ZNF442: variants seen among roughly 807,000 people sequenced by gnomAD.
The protein encoded by ZNF442 is zinc finger protein 442.
Under a neutral mutation model 57.0 loss-of-function variants are expected in ZNF442, and 45 were observed. The ratio of observed to expected loss-of-function variants is 0.79; its 90% CI spans 0.62 to 1.01. ZNF442 has a LOEUF of 1.01. ZNF442 is among the 50% of genes least tolerant of loss of function. The pLI, the probability that ZNF442 is intolerant of heterozygous loss-of-function variation, is 0.00. For missense variants in ZNF442, 690 were observed against 756.5 expected (o/e 0.91, Z 1.03); for synonymous variants, 213 against 241.8 (o/e 0.88, Z 1.10).
At chr19:12,365,428 A>T in intron 1 of ZNF442, 105 bp downstream of exon 1, 1 of 294,128 alleles carries the variant, frequency 3.4e-6, no homozygotes. Context: ...GGGTCCACAG[A>T]CCCCGCAGTC....
At chr19:12,370,712 C>T (rs1372960483), upstream of ZNF442, among the ~76,000 whole-genome samples, 2 of 152,078 alleles carry the variant, frequency 1.3e-5, no homozygotes, top group Non-Finnish European at 1.5e-5. Context: ...TGGTGGCTCA[C>T]GCCTGTAATC....
rs1025265977 is a variant in ZNF442, at chr19:12,349,930, G to T, written c.1655C>A (p.Ala552Glu). The T allele has an allele frequency of 6.2e-7, 1 of 1,614,062 alleles. No homozygotes were observed. Among genetic ancestry groups the T allele is most frequent in the Non-Finnish European group, 8.5e-7 (1 of 1,180,038 alleles). Residue 552 changes from alanine to glutamate, a missense_variant, in exon 6 of 6, where the codon GCA (alanine) becomes GAA (glutamate). Physicochemically the swap from Ala to Glu is moderately radical, Grantham distance 107 (BLOSUM62 -1). Coordinates refer to ENST00000242804, the MANE Select transcript of ZNF442 (RefSeq NM_030824.3). Reference sequence around the variant, plus strand: ...CAGAAGGCAAGTGAGCCAAGAGAATGCTTTCCTGCATTCCTTACATTCATA... The same window carrying T: ...CAGAAGGCAAGTGAGCCAAGAGAATTCTTTCCTGCATTCCTTACATTCATA... ...KPYECKECRKAFSWLTCLLRH... is the reference protein window; with the variant it reads ...KPYECKECRKEFSWLTCLLRH...
At chr19:12,363,820 A>G in intron 2 of ZNF442, 149 bp from the exon 3 acceptor site, 1 of 604,072 alleles carries the variant, frequency 1.7e-6, no homozygotes, top group Admixed American at 2.7e-5. Flanking sequence ...ACTGGGAGAA[A>G]TGACCCAGGG....
intron 3 of ZNF442, among the ~76,000 whole-genome samples, chr19:12,361,275 C>A (rs573186710): frequency 6.6e-6 from 1 of 152,302 alleles, no homozygotes; most frequent in Admixed American, 6.5e-5. Context: ...TTAATTACTA[C>A]TTCCATAATA....
In ZNF442 at chr19:12,350,529, C is replaced by T. The variant is rs371288866; in HGVS notation, c.1056G>A (p.Lys352=). The stretch of plus-strand genomic sequence containing the variant: ...GACAATCAAAGCCTTTCCCACATAT[C>T]TTACATTTATGAGGTCCATCTCCAG... ...RHTGDGPHKC[K]ICGKGFDCPS... The change falls in exon 6 of 6, where the codon AAG becomes AAA. Residue 352 remains lysine (K), a synonymous_variant. Transcript: ENST00000242804. The T allele has an allele frequency of 6.2e-7, 1 of 1,613,674 alleles. No homozygotes were observed. Among genetic ancestry groups the T allele is most frequent in the African/African-American group, 1.3e-5 (1 of 74,834 alleles).
chr19:12,356,975 A>G (rs1450936057), intron 3 of ZNF442, among the ~76,000 whole-genome samples: 1 of 152,196 alleles, frequency 6.6e-6, no homozygotes, highest in Non-Finnish European at 1.5e-5. Context: ...ACAAAAAAAG[A>G]ATATTTTCAA....
Position 12,363,668 on chromosome 19 carries a change from G to T in ZNF442, c.-37C>A. On this transcript the variant is annotated 5_prime_UTR_variant, in exon 3 of 6. Transcript: ENST00000242804. Reference sequence around the variant, plus strand: ...ACCAGCCGTGTGTCCCCAAGGAATGGAAACTGGGGTTGGGGAAGAACAAGG... The same window carrying T: ...ACCAGCCGTGTGTCCCCAAGGAATGTAAACTGGGGTTGGGGAAGAACAAGG... The T allele has an allele frequency of 6.3e-7, 1 of 1,587,018 alleles. No homozygotes were observed. The highest frequency in any genetic ancestry group is 1.3e-5 in the African/African-American group (1 of 74,420).
intron 3 of ZNF442, among the ~76,000 whole-genome samples, chr19:12,361,725 C>T (rs921556478): frequency 2.1e-5 from 3 of 142,686 alleles, no homozygotes; most frequent in Admixed American, 2.1e-4. Flanking sequence ...GTCTCCCTCT[C>T]CCTCTCCCTC....
Position 12,352,051 on chromosome 19 carries a change from T to C in ZNF442, c.225A>G (p.Thr75=). ...GATTTCTGTGCTGATCTTCAATGTT[T>C]GTGTCTTCCCATTTCATTCCTAAAA... ...LDCIGMKWED[T]NIEDQHRNPR... The change falls in exon 5 of 6, where the codon ACA becomes ACG. Residue 75 remains threonine (T), a synonymous_variant. Transcript: ENST00000242804. 6.2e-7 allele frequency: 1 copy of C among 1,613,928 alleles called. No individual in the cohort carries two copies. The highest frequency in any genetic ancestry group is 1.1e-5 in the South Asian group (1 of 91,040).
intron 3 of ZNF442, among the ~76,000 whole-genome samples, chr19:12,358,088 A>C (rs977386768): frequency 2.0e-5 from 3 of 151,762 alleles, no homozygotes; most frequent in Non-Finnish European, 2.9e-5. Flanking sequence ...CAGCCTCCCA[A>C]GTAGCTGGGA....
the ZNF442 span, among the ~76,000 whole-genome samples, chr19:12,373,443 G>A: frequency 1.3e-5 from 2 of 152,224 alleles, no homozygotes; most frequent in East Asian, 3.8e-4. Context: ...TTGGGAGGCT[G>A]AGGTGGGAGG....
At position 12,348,362 on chromosome 19, in the gene ZNF442, T is replaced by A. The variant is rs1448940342; in HGVS notation, c.*1339A>T. 1 of 151,572 alleles carries A rather than the reference T, an allele frequency of 6.6e-6. No homozygotes were observed. The highest frequency in any genetic ancestry group is 2.4e-5 in the African/African-American group (1 of 41,206). The allele number at this position is 151,572 out of a possible 1,614,324, so 9.4% of individuals were successfully genotyped here. A position where few individuals can be genotyped will look rare whatever the true frequency, so the allele number is the denominator to read the frequency against. On this transcript the variant is annotated 3_prime_UTR_variant, in exon 6 of 6. Transcript: ENST00000242804. Reference sequence around the variant, plus strand: ...CAGTCTCAAATGATAAATAAATAAATAAAAATAAAAATAAAATAAAGATTG... The same window carrying A: ...CAGTCTCAAATGATAAATAAATAAAAAAAAATAAAAATAAAATAAAGATTG...
Position 12,363,672 on chromosome 19 carries a change from C to T in ZNF442, c.-40-1G>A, listed in dbSNP as rs775888816. The stretch of plus-strand genomic sequence containing the variant: ...GCCGTGTGTCCCCAAGGAATGGAAA[C>T]TGGGGTTGGGGAAGAACAAGGTGAT... On this transcript the variant is annotated splice_acceptor_variant, in intron 2 of 5. Transcript: ENST00000242804. LOFTEE classifies it low-confidence loss of function (5UTR_SPLICE). 6.3e-7 allele frequency: 1 copy of T among 1,583,764 alleles called. No homozygotes were observed. Among genetic ancestry groups the T allele is most frequent in the South Asian group, 1.1e-5 (1 of 90,420 alleles).
At chr19:12,352,143 A>T in intron 4 of ZNF442, 73 bp from the exon 5 acceptor site, 1 of 1,431,244 alleles carries the variant, frequency 7.0e-7, no homozygotes, top group Non-Finnish European at 9.7e-7. Context: ...TTTTATGTAC[A>T]ATGGAATCAT....
chr19:12,372,548 A>G, the ZNF442 span, among the ~76,000 whole-genome samples: 1 of 152,210 alleles, frequency 6.6e-6, no homozygotes, highest in African/African-American at 2.4e-5. Context: ...AACTGATTTC[A>G]TCAAAAAACA....
chr19:12,363,616 C>T lies in ZNF442; in HGVS notation c.16G>A (p.Gly6Arg). MIVFG[G>R]EDRSDLFLPD... ...AGGAAGAGATCACTTCTGTCTTCTC[C>T]CCCAAATACAATCATTCAACTGGCT... is the stretch of plus-strand genomic sequence containing the variant. The change falls in exon 3 of 6, where the codon GGA becomes AGA. Residue 6 changes from glycine to arginine, a missense_variant. By Grantham distance (125) the Gly-to-Arg change is moderately radical. Coordinates refer to ENST00000242804, the MANE Select transcript of ZNF442 (RefSeq NM_030824.3). The T allele has an allele frequency of 6.2e-7, 1 of 1,614,154 alleles. No homozygotes were observed. The highest frequency in any genetic ancestry group is 8.5e-7 in the Non-Finnish European group (1 of 1,180,006).
chr19:12,363,272 T>C (rs1282936491), intron 3 of ZNF442, among the ~76,000 whole-genome samples: 2 of 151,956 alleles, frequency 1.3e-5, no homozygotes, highest in South Asian at 2.1e-4. Context: ...TCTAATCTTA[T>C]AGTTAATAAA....
chr19:12,363,528 G>C (rs1969475020), intron 3 of ZNF442, 26 bp downstream of exon 3: 2 of 1,610,426 alleles, frequency 1.2e-6, no homozygotes, highest in Non-Finnish European at 1.7e-6. Context: ...TGCACAACTG[G>C]AATGAGTGGG....
In ZNF442 at chr19:12,346,982, G is replaced by A. The variant is rs1281431658; in HGVS notation, c.*2719C>T. The A allele has an allele frequency of 2.0e-5, 3 of 152,184 alleles. No individual in the cohort carries two copies. The highest frequency in any genetic ancestry group is 4.4e-5 in the Non-Finnish European group (3 of 68,040). The allele number at this position is 152,184 out of a possible 1,614,324, so 9.4% of individuals were successfully genotyped here. On this transcript the variant is annotated 3_prime_UTR_variant, in exon 6 of 6. Transcript: ENST00000242804. The stretch of plus-strand genomic sequence containing the variant: ...ACATGTATGGAACACTAAGTAGATA[G>A]AGCAAGTAGCACAGTAACACGTATA...
Sources: gnomAD v4.1 joint callset for allele counts (sites outside exome capture counted in the v4.1 genomes callset) on GRCh38, gnomAD v4.1.1 for gene constraint, MANE v1.5 for transcripts, NCBI Gene and HGNC (gene_info 2026-07-23, HGNC 2026-07-21) for gene names.